THSD4: variants seen among roughly 807,000 people sequenced by gnomAD.
The protein encoded by THSD4 is thrombospondin type-1 domain-containing protein 4.
In THSD4, 69 loss-of-function variants were observed where a neutral mutation model predicts 119.0. The ratio of observed to expected loss-of-function variants is 0.58; its 90% CI spans 0.48 to 0.71. The LOEUF (loss-of-function observed/expected upper bound fraction) is 0.71, where lower values mean the gene tolerates loss of function less well. THSD4 is among the 30% of genes least tolerant of loss of function. THSD4 has a pLI of 0.00. For synonymous variants in THSD4, 524 were observed against 540.4 expected (o/e 0.97, Z 0.42); for missense variants, 1,393 against 1,391.1 (o/e 1.00, Z -0.02).
intron 6 of THSD4, among the ~76,000 whole-genome samples, chr15:71,366,112 T>G (rs984875869): frequency 6.6e-6 from 1 of 152,082 alleles, no homozygotes; most frequent in African/African-American, 2.4e-5. Flanking sequence ...CTCACTCTGT[T>G]GCCCAGGCTG....
At chr15:71,492,001 A>T (rs1024079524) in intron 7 of THSD4, among the ~76,000 whole-genome samples, 5 of 152,154 alleles carry the variant, frequency 3.3e-5, no homozygotes, top group African/African-American at 1.2e-4. Flanking sequence ...ATGACAAGTC[A>T]GGTGGAATAT....
chr15:71,732,560 G>C (rs896064351), intron 10 of THSD4: 1 of 152,328 alleles, frequency 6.6e-6, no homozygotes, highest in East Asian at 1.9e-4. Context: ...TTGAGTCCTT[G>C]CTGTGTGCAA....
At chr15:71,351,723 G>T (rs562563073) in intron 6 of THSD4, among the ~76,000 whole-genome samples, 1 of 152,324 alleles carries the variant, frequency 6.6e-6, no homozygotes, top group South Asian at 2.1e-4. Flanking sequence ...TCTCTGCTGG[G>T]CTGGTGATGG....
In THSD4 at chr15:71,459,160, C is replaced by CTTTTTTTT. The variant is rs372209662; in HGVS notation, c.1152+47348_1152+47355dup. Among the ~76,000 whole-genome samples the CTTTTTTTT allele has an allele frequency of 5.6e-3, 720 of 128,706 alleles. 10 individuals are homozygous for CTTTTTTTT. The highest frequency in any genetic ancestry group is 0.012 in the African/African-American group (429 of 34,556). The allele number at this position is 128,706 out of a possible 152,430, so 84.4% of individuals were successfully genotyped here. A position where few individuals can be genotyped will look rare whatever the true frequency, so the allele number is the denominator to read the frequency against. On this transcript the variant is annotated intron_variant, in intron 7 of 17. Coordinates refer to ENST00000261862, the MANE Select transcript of THSD4 (RefSeq NM_024817.3). ...CTTTTCTTTTTCATTTTCTTTTTTT[C>CTTTTTTTT]TTTTTTTTTTTTTTTTTTGACAGAG...
At chr15:71,215,691 A>T (rs1352140675) in intron 4 of THSD4, among the ~76,000 whole-genome samples, 1 of 152,142 alleles carries the variant, frequency 6.6e-6, no homozygotes, top group Non-Finnish European at 1.5e-5. Context: ...GGCCTCCTAG[A>T]GGGGTGAAAG....
At chr15:71,143,615 A>T (rs560364803) in intron 2 of THSD4, among the ~76,000 whole-genome samples, 1 of 152,124 alleles carries the variant, frequency 6.6e-6, no homozygotes, top group East Asian at 1.9e-4. Context: ...CAGGCTGCAC[A>T]GGCAGGGAGT....
rs115096487 is a variant in THSD4 at position 71,526,700 on chromosome 15, T to C, written c.1152+114877T>C. On this transcript the variant is annotated intron_variant, in intron 7 of 17. Transcript: ENST00000261862. ...GACTTTGATTTGACACTTTTCCAAT[T>C]AGGTGATGTGAATCCCTAGGGCTAG... is the stretch of plus-strand genomic sequence containing the variant. Among the ~76,000 whole-genome samples, 669 of 152,332 alleles carry C rather than the reference T, an allele frequency of 4.4e-3. 6 individuals carry two copies. The highest frequency in any genetic ancestry group is 0.015 in the African/African-American group (636 of 41,578).
At chr15:71,526,424 A>C (rs1172833034) in intron 7 of THSD4, among the ~76,000 whole-genome samples, 1 of 152,192 alleles carries the variant, frequency 6.6e-6, no homozygotes, top group Non-Finnish European at 1.5e-5. Context: ...AGGTCTACCA[A>C]GTAGACAGAA....
chr15:71,768,108 C>T (rs1198161693), intron 16 of THSD4, among the ~76,000 whole-genome samples: 1 of 152,140 alleles, frequency 6.6e-6, no homozygotes, highest in African/African-American at 2.4e-5. Flanking sequence ...CTTTCTTAAA[C>T]GACATACCAC....
intron 7 of THSD4, among the ~76,000 whole-genome samples, chr15:71,639,496 A>G (rs2050813048): frequency 6.6e-6 from 1 of 152,176 alleles, no homozygotes; most frequent in African/African-American, 2.4e-5. Context: ...ATGATTTGGA[A>G]TGGAAGCCCA....
intron 7 of THSD4, among the ~76,000 whole-genome samples, chr15:71,421,895 A>G (rs556405029): frequency 1.3e-5 from 2 of 152,288 alleles, no homozygotes; most frequent in South Asian, 4.1e-4. Flanking sequence ...GTATTTTCAA[A>G]TAACTTGTCT....
At chr15:71,532,285 T>TGA (rs1323961834) in intron 7 of THSD4, among the ~76,000 whole-genome samples, 28 of 66,872 alleles carry the variant, frequency 4.2e-4, no homozygotes, top group African/African-American at 1.4e-3. Context: ...AGAGAGAGAG[T>TGA]GTGTGTGTGT....
At chr15:71,314,377 G>A (rs2045156978) in intron 6 of THSD4, among the ~76,000 whole-genome samples, 2 of 152,030 alleles carry the variant, frequency 1.3e-5, no homozygotes, top group African/African-American at 4.8e-5. Flanking sequence ...GCTGGTCTCA[G>A]CTCACTGCAA....
At chr15:71,274,204 G>A (rs2044564403) in intron 6 of THSD4, among the ~76,000 whole-genome samples, 1 of 152,192 alleles carries the variant, frequency 6.6e-6, no homozygotes, top group Admixed American at 6.5e-5. Flanking sequence ...AATGATTGGT[G>A]TCTGTGACTG....
chr15:71,519,020 A>C (rs565468923), intron 7 of THSD4, among the ~76,000 whole-genome samples: 2 of 152,246 alleles, frequency 1.3e-5, no homozygotes, highest in Non-Finnish European at 2.9e-5. Flanking sequence ...TGGCAATGCC[A>C]TAAGAACAAT....
chr15:71,114,033 A>C (rs2040329140), upstream of THSD4, among the ~76,000 whole-genome samples: 1 of 152,088 alleles, frequency 6.6e-6, no homozygotes, highest in Admixed American at 6.5e-5. Flanking sequence ...GAATTAATCT[A>C]ATCCCATTTA....
intron 10 of THSD4, among the ~76,000 whole-genome samples, chr15:71,735,122 T>C (rs767869740): frequency 3.3e-4 from 50 of 151,946 alleles, no homozygotes; most frequent in Non-Finnish European, 5.7e-4. Flanking sequence ...ATATTCTCAC[T>C]CCAGATATAA....
intron 8 of THSD4, among the ~76,000 whole-genome samples, chr15:71,702,203 A>T (rs1189626074): frequency 2.0e-5 from 3 of 152,050 alleles, no homozygotes; most frequent in Non-Finnish European, 2.9e-5. Flanking sequence ...CCCCAGAACC[A>T]CTGGACCCTG....
chr15:71,575,561 T>C (rs1484921490), intron 7 of THSD4, among the ~76,000 whole-genome samples: 1 of 152,180 alleles, frequency 6.6e-6, no homozygotes, highest in Non-Finnish European at 1.5e-5. Context: ...TCTTCGTCTT[T>C]AATAAGTTGT....
Sources: allele counts gnomAD v4.1 joint callset (sites outside exome capture counted in the v4.1 genomes callset), GRCh38; gene constraint gnomAD v4.1.1; transcripts MANE v1.5; gene names NCBI Gene and HGNC (gene_info 2026-07-23, HGNC 2026-07-21).